The following RPTOR variants were observed in gnomAD, a reference collection of about 807,000 sequenced individuals.
RPTOR encodes the protein regulatory associated protein of MTOR complex 1, also known as regulatory-associated protein of mTOR.
A neutral mutation model predicts 169.9 loss-of-function variants in RPTOR; 21 were observed. That is an observed-to-expected ratio of 0.12 (90% CI 0.09 to 0.18). The LOEUF is 0.18. RPTOR is among the 10% of genes least tolerant of loss of function. The probability of loss-of-function intolerance (pLI) is 1.00; values close to 1 mark genes in which losing one functional copy is unlikely to be tolerated. For synonymous variants in RPTOR, 732 were observed against 753.2 expected, an observed-to-expected ratio of 0.97 and a Z score of 0.46; for missense variants, 1,133 against 1,855.9, an observed-to-expected ratio of 0.61 and a Z score of 7.16.
chr17:80,703,714 G>A (rs2066120483), intron 3 of RPTOR, among the ~76,000 whole-genome samples: 1 of 152,238 alleles, frequency 6.6e-6, no homozygotes. Flanking sequence ...TGCCGGAGGA[G>A]CCTCGGTGAT....
chr17:80,549,204 G>A (rs1199711243), intron 1 of RPTOR, among the ~76,000 whole-genome samples: 2 of 152,092 alleles, frequency 1.3e-5, no homozygotes, highest in African/African-American at 4.8e-5. Context: ...TATCAAGTTA[G>A]TTTGTTGTTT....
At chr17:80,828,937 C>T (rs960600220) in intron 9 of RPTOR, among the ~76,000 whole-genome samples, 2 of 152,136 alleles carry the variant, frequency 1.3e-5, no homozygotes, top group Non-Finnish European at 2.9e-5. Flanking sequence ...CAAATTGCAT[C>T]AGCAATATAG....
intron 13 of RPTOR, among the ~76,000 whole-genome samples, chr17:80,873,217 G>T (rs1207471615): frequency 6.6e-6 from 1 of 152,150 alleles, no homozygotes; most frequent in Non-Finnish European, 1.5e-5. Context: ...GGTTCCAAGG[G>T]CTCCTTTGCC....
intron 3 of RPTOR, among the ~76,000 whole-genome samples, chr17:80,700,671 T>TAGA (rs2066084989): frequency 7.6e-6 from 1 of 132,426 alleles, no homozygotes; most frequent in Non-Finnish European, 1.6e-5. Flanking sequence ...ATGGTGATGG[T>TAGA]GATGATGGAG....
At chr17:80,840,944 C>T (rs2067638220) in intron 10 of RPTOR, among the ~76,000 whole-genome samples, 1 of 90,080 alleles carries the variant, frequency 1.1e-5, no homozygotes, top group Non-Finnish European at 2.1e-5. Flanking sequence ...ACTCTCTCTG[C>T]ACCGCAGCTC....
chr17:80,880,570 T>A, intron 14 of RPTOR, 81 bp downstream of exon 14: 1 of 1,315,418 alleles, frequency 7.6e-7, no homozygotes, highest in Non-Finnish European at 1.1e-6. Flanking sequence ...CGGTGGGGCC[T>A]TTTGACGGGG....
chr17:80,663,641 A>C (rs147055537), intron 3 of RPTOR, among the ~76,000 whole-genome samples: 2 of 152,116 alleles, frequency 1.3e-5, no homozygotes, highest in Non-Finnish European at 2.9e-5. Flanking sequence ...ACGTGGATCT[A>C]TTTACCGTGT....
chr17:80,589,211 C>T (rs1266645933), intron 1 of RPTOR, among the ~76,000 whole-genome samples: 3 of 152,142 alleles, frequency 2.0e-5, no homozygotes, highest in Non-Finnish European at 4.4e-5. Flanking sequence ...TTAATTTGTC[C>T]CAGCTCCTTT....
At chr17:80,826,446 C>A (rs541360882) in intron 9 of RPTOR, among the ~76,000 whole-genome samples, 2 of 152,360 alleles carry the variant, frequency 1.3e-5, no homozygotes, top group East Asian at 3.9e-4. Context: ...CAGGTCTGGA[C>A]TAGAAGAGAG....
rs140776615 is a variant in RPTOR, at chr17:80,621,481, C to T, written c.163-4210C>T. 9.3e-3 allele frequency among the ~76,000 whole-genome samples: 1,411 copies of T among 152,324 alleles called. 13 individuals carry two copies. Among genetic ancestry groups the T allele is most frequent in the Middle Eastern group, 0.017 (5 of 294 alleles). On this transcript the variant is annotated intron_variant, in intron 1 of 33. Transcript: ENST00000306801. ...ATCACCGCCCTGTGTCGGCCTCTGC[C>T]GCCTCCCCAGCCCCGAGACGCAGAG... is the stretch of plus-strand genomic sequence containing the variant.
intron 6 of RPTOR, among the ~76,000 whole-genome samples, chr17:80,785,547 A>G (rs951552105): frequency 5.3e-5 from 8 of 152,174 alleles, no homozygotes; most frequent in African/African-American, 1.9e-4. Context: ...GGGTGAAATG[A>G]GTCCTCGAAT....
chr17:80,895,196 G>A (rs995655590), intron 20 of RPTOR, among the ~76,000 whole-genome samples: 2 of 152,146 alleles, frequency 1.3e-5, no homozygotes, highest in Non-Finnish European at 2.9e-5. Flanking sequence ...CAGCTCTGCT[G>A]GGCCCCAGCC....
chr17:80,939,214 AG>A (rs2068992220), intron 24 of RPTOR, among the ~76,000 whole-genome samples: 1 of 152,218 alleles, frequency 6.6e-6, no homozygotes, highest in Admixed American at 6.5e-5. Context: ...TGTATGCTTA[AG>A]GAAATGCATC....
intron 4 of RPTOR, among the ~76,000 whole-genome samples, chr17:80,711,740 C>A (rs2066192780): frequency 1.7e-5 from 1 of 58,460 alleles, no homozygotes; most frequent in East Asian, 4.4e-4. Context: ...AGTTATACAT[C>A]AGTCTTTTTT....
chr17:80,931,124 T>C (rs1238053861), intron 24 of RPTOR, among the ~76,000 whole-genome samples: 1 of 152,064 alleles, frequency 6.6e-6, no homozygotes, highest in African/African-American at 2.4e-5. Context: ...GTATGGGAAA[T>C]ATTGCTCTGG....
At chr17:80,618,722 T>C (rs1335198302) in intron 1 of RPTOR, among the ~76,000 whole-genome samples, 1 of 152,242 alleles carries the variant, frequency 6.6e-6, no homozygotes, top group Non-Finnish European at 1.5e-5. Context: ...CGAGCTGAGC[T>C]CATAGATTCA....
At chr17:80,758,347 T>C (rs558685387) in intron 6 of RPTOR, among the ~76,000 whole-genome samples, 4 of 152,188 alleles carry the variant, frequency 2.6e-5, no homozygotes, top group African/African-American at 7.2e-5. Context: ...AGGAGTGCGG[T>C]TGAGCTCAGA....
intron 3 of RPTOR, among the ~76,000 whole-genome samples, chr17:80,667,500 C>T (rs550764466): frequency 4.6e-5 from 7 of 152,272 alleles, no homozygotes; most frequent in Non-Finnish European, 8.8e-5. Flanking sequence ...ATCCCACTTT[C>T]GAAGTTTCTT....
rs867260284 is a variant in RPTOR, at chr17:80,904,442, G to A, written c.2402-4369G>A. Among the ~76,000 whole-genome samples, 10 of 152,318 alleles carry A rather than the reference G, an allele frequency of 6.6e-5. No individual in the cohort carries two copies. The Middle Eastern group carries it at 0.014, about 207-fold the overall frequency. ...GCTCCGACAGCCGGGGAGCTTCTGG[G>A]ATTCAGAGTCAGCCAGAGCTCTGAG... is the stretch of plus-strand genomic sequence containing the variant. On this transcript the variant is annotated intron_variant, in intron 20 of 33. Transcript: ENST00000306801.
Sources: gnomAD v4.1 joint callset for allele counts (sites outside exome capture counted in the v4.1 genomes callset) on GRCh38, gnomAD v4.1.1 for gene constraint, MANE v1.5 for transcripts, NCBI Gene and HGNC (gene_info 2026-07-23, HGNC 2026-07-21) for gene names.